ADGRB1: variants seen among roughly 807,000 people sequenced by gnomAD.
The protein encoded by ADGRB1 is brain-specific angiogenesis inhibitor 1.
Under a neutral mutation model 175.7 loss-of-function variants are expected in ADGRB1, and 36 were observed. The observed-to-expected ratio is 0.20, with a 90% CI of 0.16 to 0.27. The LOEUF (loss-of-function observed/expected upper bound fraction) is 0.27, where lower values mean the gene tolerates loss of function less well. Among genes scored for constraint, ADGRB1 ranks in the 10% least tolerant of loss-of-function variants. The pLI, the probability that ADGRB1 is intolerant of heterozygous loss-of-function variation, is 1.00. For synonymous variants in ADGRB1, 1,054 were observed against 979.4 expected (o/e 1.08, Z -1.42); for missense variants, 1,731 against 2,255.3 (o/e 0.77, Z 4.71).
Position 142,542,194 on chromosome 8 carries a change from C to T in ADGRB1, c.3960C>T (p.Val1320=), listed in dbSNP as rs376997138. The change falls in exon 28 of 31, where the codon GTC becomes GTT. Residue 1320 remains valine (V), a synonymous_variant. Coordinates refer to ENST00000517894, the MANE Select transcript of ADGRB1 (RefSeq NM_001702.3). The surrounding 1 kb of genome is among the most constrained non-coding windows in gnomAD (Gnocchi z 6.3). The part of the protein sequence containing the change: ...KRDKAPKSSF[V]GDGDIFKKLD... ...ACAAGGCGCCCAAGTCCTCCTTCGT[C>T]GGTGACGGGGACATCTTCAAGAAGC... 2.2e-5 allele frequency: 35 copies of T among 1,613,614 alleles called. No individual in the cohort carries two copies. Among genetic ancestry groups the T allele is most frequent in the East Asian group, 1.8e-4 (8 of 44,890 alleles).
chr8:142,459,611 G>A (rs932938070), intron 1 of ADGRB1, among the ~76,000 whole-genome samples: 2 of 152,210 alleles, frequency 1.3e-5, no homozygotes, highest in Non-Finnish European at 2.9e-5. Context: ...CCACAGCCAC[G>A]TGGCCTTGTA....
Position 142,537,400 on chromosome 8 carries a change from A to G in ADGRB1, c.3666+318A>G, listed in dbSNP as rs775179026. Among the ~76,000 whole-genome samples, 2 of 151,948 alleles carry G rather than the reference A, an allele frequency of 1.3e-5. No individual in the cohort carries two copies. Among genetic ancestry groups the G allele is most frequent in the Non-Finnish European group, 2.9e-5 (2 of 67,950 alleles). Reference sequence around the variant, plus strand: ...TCTGAGCATCCCAGCCCTCAACTCAAGGTCCCCATCCTTACACCTCCCAGG... The same window carrying G: ...TCTGAGCATCCCAGCCCTCAACTCAGGGTCCCCATCCTTACACCTCCCAGG... On this transcript the variant is annotated intron_variant, in intron 26 of 30. Coordinates refer to ENST00000517894, the MANE Select transcript of ADGRB1 (RefSeq NM_001702.3). This position sits in a 1 kb window ranked among gnomAD's most constrained non-coding sequence, Gnocchi z 4.6.
At chr8:142,471,314 C>T (rs922945974) in intron 2 of ADGRB1, among the ~76,000 whole-genome samples, 3 of 152,218 alleles carry the variant, frequency 2.0e-5, no homozygotes, top group African/African-American at 7.2e-5. Context: ...CGCCTGGCTG[C>T]GAGAGAGGCT....
chr8:142,472,165 C>T (rs917372234), intron 2 of ADGRB1, among the ~76,000 whole-genome samples: 5 of 152,160 alleles, frequency 3.3e-5, no homozygotes, highest in Non-Finnish European at 5.9e-5. Context: ...GAGGGAGGGA[C>T]GCCCCCTGTG....
chr8:142,490,558 A>T (rs1841932992), intron 16 of ADGRB1, among the ~76,000 whole-genome samples: 1 of 152,218 alleles, frequency 6.6e-6, no homozygotes, highest in South Asian at 2.1e-4. Flanking sequence ...CCGAGGCCAC[A>T]TGGGTGGTGG....
At chr8:142,477,299 G>C (rs1563692483) in intron 5 of ADGRB1, 21 bp downstream of exon 5, 3 of 1,508,264 alleles carry the variant, frequency 2.0e-6, no homozygotes, top group Admixed American at 3.5e-5. Context: ...CCTTGGGCTG[G>C]GGCAGCGGAC....
intron 6 of ADGRB1, 146 bp from the exon 7 acceptor site, chr8:142,478,041 C>T (rs1317318382): frequency 5.7e-6 from 6 of 1,056,874 alleles, no homozygotes; most frequent in South Asian, 1.6e-5. Flanking sequence ...ACAGGCTGGC[C>T]GTGGGTGGTG....
chr8:142,528,408 A>G lies in ADGRB1; in HGVS notation c.3398+1781A>G, dbSNP rs377657141. Among the ~76,000 whole-genome samples, 8 of 152,102 alleles carry G rather than the reference A, an allele frequency of 5.3e-5. No homozygotes were observed. In the East Asian group the frequency reaches 1.5e-3, roughly 29 times the overall value. On this transcript the variant is annotated intron_variant, in intron 24 of 30. Coordinates refer to ENST00000517894, the MANE Select transcript of ADGRB1 (RefSeq NM_001702.3). Reference sequence around the variant, plus strand: ...GGCCTGAGTTCGTGAGGTGGCTGAGAGCCCCCAGGACCGTCCCTGTTGGGG... The same window carrying G: ...GGCCTGAGTTCGTGAGGTGGCTGAGGGCCCCCAGGACCGTCCCTGTTGGGG...
At chr8:142,466,126 G>A (rs1302884828) in intron 2 of ADGRB1, among the ~76,000 whole-genome samples, 1 of 152,146 alleles carries the variant, frequency 6.6e-6, no homozygotes, top group Non-Finnish European at 1.5e-5. Flanking sequence ...GGGATTGGAG[G>A]GGTTTGAGTT....
intron 25 of ADGRB1, among the ~76,000 whole-genome samples, chr8:142,535,079 CAG>C (rs911599467): frequency 2.0e-5 from 3 of 152,252 alleles, no homozygotes; most frequent in Non-Finnish European, 4.4e-5. Flanking sequence ...AAATTAAAAA[CAG>C]AGAGCAGCTC....
intron 1 of ADGRB1, among the ~76,000 whole-genome samples, chr8:142,454,817 AT>A (rs1319302982): frequency 1.3e-5 from 2 of 152,044 alleles, no homozygotes; most frequent in Non-Finnish European, 2.9e-5. Flanking sequence ...ATTTCTGTTA[AT>A]TGAGGAAGCA....
Position 142,492,499 on chromosome 8 carries a change from C to T in ADGRB1, c.2675+1684C>T, listed in dbSNP as rs1179565523. Among the ~76,000 whole-genome samples, 3 of 152,096 alleles carry T rather than the reference C, an allele frequency of 2.0e-5. No individual in the cohort carries two copies. Among genetic ancestry groups the T allele is most frequent in the African/African-American group, 4.8e-5 (2 of 41,418 alleles). On this transcript the variant is annotated intron_variant, in intron 17 of 30. Coordinates refer to ENST00000517894, the MANE Select transcript of ADGRB1 (RefSeq NM_001702.3). The surrounding 1 kb of genome is among the most constrained non-coding windows in gnomAD (Gnocchi z 4.4). ...ACGCCTCCGAGGGAAGGGGAGGTTT[C>T]GGCAGAGGCCTGGCAAGCACAGCTC...
At chr8:142,466,518 C>A (rs569317243) in intron 2 of ADGRB1, among the ~76,000 whole-genome samples, 1 of 152,270 alleles carries the variant, frequency 6.6e-6, no homozygotes, top group South Asian at 2.1e-4. Context: ...CGCCCCTGGG[C>A]AGTGGGGGGC....
chr8:142,538,788 C>G (rs957861230), intron 26 of ADGRB1, among the ~76,000 whole-genome samples: 1 of 152,310 alleles, frequency 6.6e-6, no homozygotes, highest in East Asian at 1.9e-4. Context: ...CATCCCCCCC[C>G]ACCACCTCTC....
chr8:142,514,092 C>G (rs1268731265), intron 18 of ADGRB1, among the ~76,000 whole-genome samples: 1 of 152,010 alleles, frequency 6.6e-6, no homozygotes, highest in Non-Finnish European at 1.5e-5. Flanking sequence ...AGGGGTGCTG[C>G]CTAGCTTAGC....
In ADGRB1 at chr8:142,485,850, G is replaced by A. The variant is rs1009457910; in HGVS notation, c.2308+1086G>A. On this transcript the variant is annotated intron_variant, in intron 13 of 30. Transcript: ENST00000517894. ...GTAATCTATAAAGATGAGAGGTTCT[G>A]GAGGCCGGAAAGTCCAAGATCACAG... Among the ~76,000 whole-genome samples, 51 of 152,180 alleles carry A rather than the reference G, an allele frequency of 3.4e-4. 1 individual carries two copies. The highest frequency in any genetic ancestry group is 1.2e-3 in the African/African-American group (51 of 41,444).
chr8:142,468,929 C>T (rs1292175458), intron 2 of ADGRB1, among the ~76,000 whole-genome samples: 1 of 152,262 alleles, frequency 6.6e-6, no homozygotes, highest in Non-Finnish European at 1.5e-5. Context: ...AGTTCCCTGA[C>T]GTGCCCCCCA....
At chr8:142,469,801 G>T (rs376635434) in intron 2 of ADGRB1, among the ~76,000 whole-genome samples, 3 of 152,002 alleles carry the variant, frequency 2.0e-5, no homozygotes, top group Non-Finnish European at 4.4e-5. Flanking sequence ...GTGCGTGTGC[G>T]TGGGGGGGAT....
intron 18 of ADGRB1, among the ~76,000 whole-genome samples, chr8:142,517,217 G>C (rs1397260026): frequency 6.6e-6 from 1 of 152,156 alleles, no homozygotes; most frequent in African/African-American, 2.4e-5. Flanking sequence ...TGCAGAGCCG[G>C]GTGGGACATT....
Sources: gnomAD v4.1 joint callset for allele counts (sites outside exome capture counted in the v4.1 genomes callset) on GRCh38, gnomAD v4.1.1 for gene constraint, Gnocchi (gnomAD v3.1) non-coding constraint, MANE v1.5 for transcripts, NCBI Gene and HGNC (gene_info 2026-07-23, HGNC 2026-07-21) for gene names.